CELF2: variants seen among roughly 807,000 people sequenced by gnomAD.
CELF2 encodes the protein CUG triplet repeat RNA-binding protein 2.
Under a neutral mutation model 62.6 loss-of-function variants are expected in CELF2, and 8 were observed. That is an observed-to-expected ratio of 0.13 (90% confidence interval 0.07 to 0.23). CELF2 has a LOEUF of 0.23. CELF2 is among the 10% of genes least tolerant of loss of function. The pLI is 1.00. For synonymous variants in CELF2, 258 were observed against 250.0 expected (o/e 1.03, Z -0.30); for missense variants, 333 against 671.0 (o/e 0.50, Z 5.56).
At chr10:11,241,477 G>A (rs918834836) in intron 3 of CELF2, among the ~76,000 whole-genome samples, 2 of 152,232 alleles carry the variant, frequency 1.3e-5, no homozygotes, top group African/African-American at 4.8e-5. Context: ...TGGGATTACA[G>A]GTGTGAGTGA....
At chr10:11,143,650 C>G (rs2061737070) in intron 1 of CELF2, among the ~76,000 whole-genome samples, 1 of 152,206 alleles carries the variant, frequency 6.6e-6, no homozygotes. Context: ...GGCCCCCACA[C>G]AGTTTAACGT....
intron 7 of CELF2, among the ~76,000 whole-genome samples, chr10:11,272,070 C>G (rs944590063): frequency 1.3e-5 from 2 of 152,162 alleles, no homozygotes; most frequent in Non-Finnish European, 2.9e-5. Flanking sequence ...GCCCCACCCC[C>G]AGTGCCCAGT....
At chr10:10,672,851 T>C in the CELF2 span, among the ~76,000 whole-genome samples, 1 of 152,172 alleles carries the variant, frequency 6.6e-6, no homozygotes, top group Admixed American at 6.5e-5. Flanking sequence ...GAGATTTTCA[T>C]TGTGTTTGCA....
the CELF2 span, among the ~76,000 whole-genome samples, chr10:10,725,445 T>G: frequency 6.6e-6 from 1 of 152,202 alleles, no homozygotes; most frequent in African/African-American, 2.4e-5. Context: ...ATTTCTTCAT[T>G]TATTGCCTGA....
intron 2 of CELF2, among the ~76,000 whole-genome samples, chr10:10,963,937 G>A (rs571637467): frequency 7.2e-5 from 11 of 152,230 alleles, no homozygotes; most frequent in African/African-American, 2.2e-4. Context: ...CATATTCACA[G>A]CCGTCTAAAA....
intron 1 of CELF2, among the ~76,000 whole-genome samples, chr10:10,898,537 A>T (rs181990488): frequency 9.2e-4 from 140 of 152,356 alleles, no homozygotes; most frequent in African/African-American, 3.2e-3. Flanking sequence ...GGGTCATCTG[A>T]TAATCATAAA....
chr10:10,961,874 A>G (rs1440951674), intron 2 of CELF2, among the ~76,000 whole-genome samples: 1 of 151,962 alleles, frequency 6.6e-6, no homozygotes, highest in Non-Finnish European at 1.5e-5. Context: ...CTTCCCTCAG[A>G]TCTTTTTTTC....
Position 11,182,985 on chromosome 10 carries a change from A to T in CELF2, c.271+17303A>T, listed in dbSNP as rs540043950. Among the ~76,000 whole-genome samples, 20 of 152,312 alleles carry T rather than the reference A, an allele frequency of 1.3e-4. No homozygotes were observed. In the South Asian group the frequency reaches 3.9e-3, roughly 30 times the overall value. The stretch of plus-strand genomic sequence containing the variant: ...CAACAGCTCAATGGAGACATAATTG[A>T]TATGCGGCAAACTTCACGTACTTAA... On this transcript the variant is annotated intron_variant, in intron 2 of 12. Transcript: ENST00000633077.
the CELF2 span, among the ~76,000 whole-genome samples, chr10:10,575,262 G>T: frequency 2.0e-5 from 3 of 152,144 alleles, no homozygotes; most frequent in Non-Finnish European, 4.4e-5. Flanking sequence ...CATTCTTGAA[G>T]GGTGTTAGAT....
intron 10 of CELF2, chr10:11,317,539 G>C (rs989101007): frequency 1.3e-5 from 2 of 152,236 alleles, no homozygotes; most frequent in South Asian, 4.1e-4. Context: ...TTACAAATCT[G>C]TGAGAATATT....
intron 1 of CELF2, among the ~76,000 whole-genome samples, chr10:11,118,093 A>G (rs900517982): frequency 6.6e-6 from 1 of 152,170 alleles, no homozygotes; most frequent in Non-Finnish European, 1.5e-5. Context: ...GTTTTGCAGA[A>G]GTATAAGCAT....
intron 1 of CELF2, among the ~76,000 whole-genome samples, chr10:11,126,188 T>A (rs2058668593): frequency 6.6e-6 from 1 of 152,218 alleles, no homozygotes; most frequent in East Asian, 1.9e-4. Context: ...TCTCTGTGTT[T>A]TTATTTTTAA....
At chr10:11,138,633 A>G (rs2060815747) in intron 1 of CELF2, among the ~76,000 whole-genome samples, 2 of 152,240 alleles carry the variant, frequency 1.3e-5, no homozygotes, top group African/African-American at 4.8e-5. Flanking sequence ...CCAAACGTTT[A>G]CTTTTAGAAG....
rs200358969 is a variant in CELF2 at position 10,959,505 on chromosome 10, AT to A, written c.89+39512del. ...CTCAGAAGAAAACAACTTTCAAAAA[AT>A]TTTTTCCATGCATTTTCCAAGGGAG... On this transcript the variant is annotated intron_variant, in intron 2 of 13. Coordinates refer to the CELF2 transcript ENST00000636488. 7.5e-3 allele frequency among the ~76,000 whole-genome samples: 1,139 copies of A among 152,232 alleles called. 21 individuals carry two copies. The highest frequency in any genetic ancestry group is 0.025 in the African/African-American group (1,048 of 41,534).
chr10:11,009,302 G>A (rs201122), intron 1 of CELF2, among the ~76,000 whole-genome samples: 35,504 of 151,814 alleles, frequency 0.23, 7,654 homozygotes, highest in African/African-American at 0.57. Flanking sequence ...CACAGAGATC[G>A]GACTAAGATG....
chr10:10,912,433 G>A (rs541254114), intron 1 of CELF2, among the ~76,000 whole-genome samples: 61 of 152,126 alleles, frequency 4.0e-4, no homozygotes, highest in Non-Finnish European at 8.2e-4. Flanking sequence ...GCTGGAGCGC[G>A]ATCTCGGCTC....
At chr10:10,786,517 T>G in the CELF2 span, 1 of 152,030 alleles carries the variant, frequency 6.6e-6, no homozygotes, top group African/African-American at 2.4e-5. Context: ...TTAATTCTTT[T>G]AAAAGGAAGT....
chr10:11,172,706 G>T (rs2069341589), intron 2 of CELF2, among the ~76,000 whole-genome samples: 1 of 152,004 alleles, frequency 6.6e-6, no homozygotes, highest in African/African-American at 2.4e-5. Flanking sequence ...GGGGAAGGAG[G>T]GAGACAAAAA....
At chr10:10,731,813 G>T in the CELF2 span, among the ~76,000 whole-genome samples, 1 of 152,136 alleles carries the variant, frequency 6.6e-6, no homozygotes, top group African/African-American at 2.4e-5. Flanking sequence ...TTGAGATTGA[G>T]AGGGTCCATA....
Sources: gnomAD v4.1 joint callset for allele counts (sites outside exome capture counted in the v4.1 genomes callset) on GRCh38, gnomAD v4.1.1 for gene constraint, MANE v1.5 for transcripts, NCBI Gene and HGNC (gene_info 2026-07-23, HGNC 2026-07-21) for gene names.